Variants in AJAP1 observed in about 807,000 individuals in gnomAD.
AJAP1 encodes the protein adherens junction-associated protein 1.
In AJAP1, 5 loss-of-function variants were observed where a neutral mutation model predicts 35.0. The observed-to-expected ratio is 0.14, with a 90% CI of 0.07 to 0.30. The LOEUF (loss-of-function observed/expected upper bound fraction) is 0.30. Ranked by LOEUF, AJAP1 falls within the 10% of genes least tolerant of loss-of-function variation. AJAP1 has a pLI of 1.00. For synonymous variants in AJAP1, 284 were observed against 249.3 expected, an observed-to-expected ratio of 1.14 and a Z score of -1.31; for missense variants, 586 against 571.0, an observed-to-expected ratio of 1.03 and a Z score of -0.27.
chr1:4,717,415 G>C (rs900904835), intron 2 of AJAP1, among the ~76,000 whole-genome samples: 1 of 152,196 alleles, frequency 6.6e-6, no homozygotes, highest in Non-Finnish European at 1.5e-5. Flanking sequence ...CGCCACCCAG[G>C]AGGGGCCCTG....
At position 4,790,110 on chromosome 1, in the gene AJAP1, T is replaced by C. The variant is rs1642226347; in HGVS notation, c.*7625T>C. ...GGGCAGAAGGGAGAAAGGGCTTTGC[T>C]GAAGTCTCAGGCTGCCGAGAGCCAT... On this transcript the variant is annotated 3_prime_UTR_variant, in exon 6 of 6. Coordinates refer to ENST00000378191, the MANE Select transcript of AJAP1 (RefSeq NM_018836.4). 1 of 152,238 alleles carries C rather than the reference T, an allele frequency of 6.6e-6. No homozygotes were observed. The highest frequency in any genetic ancestry group is 2.1e-4 in the South Asian group (1 of 4,832). 9.4% of individuals were successfully genotyped at this position (152,238 alleles called of 1,614,324 possible).
chr1:4,756,091 G>A (rs1218405101), intron 2 of AJAP1, among the ~76,000 whole-genome samples: 1 of 152,174 alleles, frequency 6.6e-6, no homozygotes, highest in Non-Finnish European at 1.5e-5. Flanking sequence ...AGGAGAAGGT[G>A]CAGGAGCCTG....
chr1:4,780,295 TC>T (rs1642034001), intron 5 of AJAP1, among the ~76,000 whole-genome samples: 1 of 151,666 alleles, frequency 6.6e-6, no homozygotes, highest in Non-Finnish European at 1.5e-5. Context: ...CAACACTCAC[TC>T]CCCGTCTCCC....
rs199654684 is a variant in AJAP1 at position 4,711,976 on chromosome 1, G to A, written c.106G>A (p.Val36Met). The A allele has an allele frequency of 8.0e-5, 127 of 1,587,338 alleles. No homozygotes were observed. In the East Asian group the frequency reaches 2.7e-3, roughly 33 times the overall value. The change falls in exon 2 of 6, where the codon GTG (valine) becomes ATG (methionine). Residue 36 changes from valine (V) to methionine (M), a missense_variant. Transcript: ENST00000378191. ...WILIAMFQLA[V>M]DLPACEALGP... ...ACTGATAGCCATGTTTCAGCTCGCC[G>A]TGGACCTGCCCGCCTGTGAGGCCCT...
chr1:4,727,762 A>G (rs1557628461), intron 2 of AJAP1, among the ~76,000 whole-genome samples: 1 of 152,204 alleles, frequency 6.6e-6, no homozygotes, highest in Non-Finnish European at 1.5e-5. Flanking sequence ...TTAAGTCTCC[A>G]TACTGCTGGC....
At chr1:4,740,834 T>A (rs965978181) in intron 2 of AJAP1, among the ~76,000 whole-genome samples, 2 of 149,682 alleles carry the variant, frequency 1.3e-5, no homozygotes, top group African/African-American at 4.9e-5. Context: ...GTCAATTTTA[T>A]CTTATGTGCA....
chr1:4,767,498 T>G (rs1407456372), intron 2 of AJAP1, among the ~76,000 whole-genome samples: 2 of 149,990 alleles, frequency 1.3e-5, no homozygotes, highest in East Asian at 4.1e-4. Flanking sequence ...TTACCATCAT[T>G]ATCACCATCA....
In AJAP1 at chr1:4,789,121, C is replaced by G; in HGVS notation, c.*6636C>G. 6.6e-6 allele frequency: 1 copy of G among 152,208 alleles called. No individual in the cohort carries two copies. The highest frequency in any genetic ancestry group is 1.9e-4 in the East Asian group (1 of 5,192). 9.4% of individuals were successfully genotyped at this position (152,208 alleles called of 1,614,324 possible). A position where few individuals can be genotyped will look rare whatever the true frequency, so the allele number is the denominator to read the frequency against. On this transcript the variant is annotated 3_prime_UTR_variant, in exon 6 of 6. Coordinates refer to ENST00000378191, the MANE Select transcript of AJAP1 (RefSeq NM_018836.4). The surrounding 1 kb of genome is among the most constrained non-coding windows in gnomAD (Gnocchi z 4.4). ...GAGGCATAATATAAATTGGGCCAAG[C>G]TTGCCCATGTGGGACACACAGGTTT... is the stretch of plus-strand genomic sequence containing the variant.
intron 2 of AJAP1, among the ~76,000 whole-genome samples, chr1:4,736,028 C>T (rs1640915960): frequency 6.6e-6 from 1 of 152,210 alleles, no homozygotes; most frequent in Non-Finnish European, 1.5e-5. Flanking sequence ...AGCTGCCTTA[C>T]CTGCGCCTTA....
At chr1:4,760,328 CGTGTGTGAGTCTGT>C (rs1330406328) in intron 2 of AJAP1, among the ~76,000 whole-genome samples, 1 of 149,132 alleles carries the variant, frequency 6.7e-6, no homozygotes, top group African/African-American at 2.5e-5. Flanking sequence ...TGTGTGTGAA[CGTGTGTGAGTCTGT>C]GTGTGTGTAT....
intron 1 of AJAP1, among the ~76,000 whole-genome samples, chr1:4,661,332 G>A (rs1029314615): frequency 2.0e-5 from 3 of 152,224 alleles, no homozygotes; most frequent in African/African-American, 7.2e-5. Context: ...TAAGTGATCT[G>A]ATCCAACGGT....
intron 5 of AJAP1, among the ~76,000 whole-genome samples, chr1:4,776,732 C>A (rs140565693): frequency 6.6e-6 from 1 of 152,150 alleles, no homozygotes; most frequent in African/African-American, 2.4e-5. Context: ...GAGACATGGG[C>A]GCCCCCAGAT....
chr1:4,746,688 T>G (rs1009567325), intron 2 of AJAP1, among the ~76,000 whole-genome samples: 8 of 152,238 alleles, frequency 5.3e-5, no homozygotes, highest in African/African-American at 1.9e-4. Flanking sequence ...TACAAACAAC[T>G]GCTATTGAAT....
intron 2 of AJAP1, among the ~76,000 whole-genome samples, chr1:4,736,383 C>T (rs937328585): frequency 2.6e-5 from 4 of 152,220 alleles, no homozygotes; most frequent in Non-Finnish European, 5.9e-5. Flanking sequence ...CCCTTTCCCA[C>T]GGTCTTGGCT....
At chr1:4,729,300 C>T (rs1010321573) in intron 2 of AJAP1, among the ~76,000 whole-genome samples, 2 of 152,038 alleles carry the variant, frequency 1.3e-5, no homozygotes, top group Non-Finnish European at 2.9e-5. Flanking sequence ...GAGGGCGTCA[C>T]TCCTCCTGCG....
intron 2 of AJAP1, among the ~76,000 whole-genome samples, chr1:4,758,879 C>A (rs955466306): frequency 6.6e-6 from 1 of 152,294 alleles, no homozygotes. Flanking sequence ...TTCCCTCTAC[C>A]CGAGATCCCA....
intron 1 of AJAP1, among the ~76,000 whole-genome samples, chr1:4,701,239 G>C (rs1639981189): frequency 6.6e-6 from 1 of 152,188 alleles, no homozygotes; most frequent in South Asian, 2.1e-4. Flanking sequence ...CAGTCACAAA[G>C]AACCAGGCTT....
intron 1 of AJAP1, among the ~76,000 whole-genome samples, chr1:4,679,274 C>G (rs965077054): frequency 6.6e-6 from 1 of 152,192 alleles, no homozygotes; most frequent in African/African-American, 2.4e-5. Flanking sequence ...TCCTGCTTGT[C>G]TCCTCTCCTG....
intron 1 of AJAP1, among the ~76,000 whole-genome samples, chr1:4,696,621 C>T (rs1018444387): frequency 6.6e-6 from 1 of 152,240 alleles, no homozygotes; most frequent in Non-Finnish European, 1.5e-5. Context: ...GATTTCACAG[C>T]CAGGCTGCAG....
Sources: gnomAD v4.1 joint callset for allele counts (sites outside exome capture counted in the v4.1 genomes callset) on GRCh38, gnomAD v4.1.1 for gene constraint, Gnocchi (gnomAD v3.1) non-coding constraint, MANE v1.5 for transcripts, NCBI Gene and HGNC (gene_info 2026-07-23, HGNC 2026-07-21) for gene names.